The following RP1 variants were observed in gnomAD, a reference collection of about 807,000 sequenced individuals.
RP1 encodes RP1 axonemal microtubule associated.
A neutral mutation model predicts 14.8 loss-of-function variants in RP1; 16 were observed. The observed-to-expected ratio is 1.08, with a 90% CI of 0.73 to 1.65. The LOEUF is 1.65. RP1 is among the 40% of genes most tolerant of loss of function. The probability of loss-of-function intolerance (pLI) is 0.00; values close to 1 mark genes in which losing one functional copy is unlikely to be tolerated. For synonymous variants in RP1, 876 were observed against 883.6 expected (o/e 0.99, Z 0.15); for missense variants, 2,631 against 2,535.0 (o/e 1.04, Z -0.81).
intron 12 of RP1, among the ~76,000 whole-genome samples, chr8:54,689,510 C>G (rs1333562654): frequency 6.6e-6 from 1 of 152,052 alleles, no homozygotes; most frequent in Non-Finnish European, 1.5e-5. Flanking sequence ...AAGTCAATTA[C>G]TAGGTTACAA....
At chr8:54,590,741 T>A (rs545314743) in intron 1 of RP1, among the ~76,000 whole-genome samples, 2 of 152,316 alleles carry the variant, frequency 1.3e-5, no homozygotes, top group African/African-American at 4.8e-5. Flanking sequence ...CGTATTACTC[T>A]CAAATTTACA....
At chr8:54,649,405 G>A (rs567830510) in intron 4 of RP1, among the ~76,000 whole-genome samples, 1 of 152,254 alleles carries the variant, frequency 6.6e-6, no homozygotes, top group Non-Finnish European at 1.5e-5. Context: ...AAGGGCTTAT[G>A]CCTTTCTGGC....
intron 1 of RP1, among the ~76,000 whole-genome samples, chr8:54,578,406 C>T (rs552851088): frequency 3.9e-5 from 6 of 152,060 alleles, no homozygotes; most frequent in African/African-American, 1.2e-4. Flanking sequence ...TGGAGTCTTG[C>T]TATGTTGCCT....
chr8:54,695,960 G>A (rs149867315), intron 12 of RP1, among the ~76,000 whole-genome samples: 79 of 152,092 alleles, frequency 5.2e-4, no homozygotes, highest in Non-Finnish European at 8.4e-4. Flanking sequence ...CATTTGGAGT[G>A]GTCTATTGAA....
At chr8:54,828,647 A>T (rs547785014) in intron 24 of RP1, among the ~76,000 whole-genome samples, 1 of 152,184 alleles carries the variant, frequency 6.6e-6, no homozygotes, top group East Asian at 1.9e-4. Context: ...CTTTATAACA[A>T]CACCAACAGA....
chr8:54,704,467 C>T (rs1808101757), intron 14 of RP1, among the ~76,000 whole-genome samples: 1 of 152,092 alleles, frequency 6.6e-6, no homozygotes, highest in South Asian at 2.1e-4. Context: ...CATCAAAGAT[C>T]ACTGATCACA....
intron 24 of RP1, among the ~76,000 whole-genome samples, chr8:54,815,341 A>G (rs969462322): frequency 3.3e-5 from 5 of 152,210 alleles, no homozygotes; most frequent in African/African-American, 1.2e-4. Flanking sequence ...AAAATAAATA[A>G]ATTAAAAACT....
chr8:54,794,005 C>T (rs1810525853), intron 24 of RP1, among the ~76,000 whole-genome samples: 1 of 151,774 alleles, frequency 6.6e-6, no homozygotes, highest in Non-Finnish European at 1.5e-5. Flanking sequence ...AAATCTGTTG[C>T]ATTTTCATAC....
At chr8:54,606,872 C>T (rs188512260) in intron 1 of RP1, among the ~76,000 whole-genome samples, 3,404 of 152,226 alleles carry the variant, frequency 0.022, 119 homozygotes, top group African/African-American at 0.073. Flanking sequence ...ACGTAGTTCT[C>T]GTGCCATGGT....
At chr8:54,801,182 A>G (rs1490871597) in intron 24 of RP1, among the ~76,000 whole-genome samples, 3 of 152,032 alleles carry the variant, frequency 2.0e-5, no homozygotes, top group Non-Finnish European at 4.4e-5. Flanking sequence ...TTGCTTCCCA[A>G]TTGGCTTGGG....
At chr8:54,794,901 C>A (rs1810545651) in intron 24 of RP1, among the ~76,000 whole-genome samples, 2 of 151,690 alleles carry the variant, frequency 1.3e-5, no homozygotes. Context: ...GTAGAAAAAC[C>A]CAAATAATAT....
intron 1 of RP1, among the ~76,000 whole-genome samples, chr8:54,575,676 G>T (rs7827500): frequency 0.2 from 30,601 of 152,072 alleles, 3,549 homozygotes; most frequent in East Asian, 0.36. Context: ...TTCATGTGCT[G>T]GTTTGTTATA....
chr8:54,802,360 A>G (rs1810733400), intron 24 of RP1, among the ~76,000 whole-genome samples: 2 of 152,240 alleles, frequency 1.3e-5, no homozygotes, highest in Admixed American at 1.3e-4. Context: ...GAATGGATCC[A>G]TAAAAGACTG....
chr8:54,722,408 C>T (rs1397380974), intron 16 of RP1, among the ~76,000 whole-genome samples: 2 of 151,836 alleles, frequency 1.3e-5, no homozygotes, highest in African/African-American at 4.8e-5. Context: ...GTATCTGGGA[C>T]TACAGGCGCC....
chr8:54,652,760 G>T (rs770454597), intron 4 of RP1: 11 of 1,512,868 alleles, frequency 7.3e-6, no homozygotes, highest in Middle Eastern at 1.7e-4. Flanking sequence ...ATTGAAAGTT[G>T]TTCCCTTGGC....
intron 12 of RP1, among the ~76,000 whole-genome samples, chr8:54,689,436 T>C (rs1000120659): frequency 3.9e-5 from 6 of 152,064 alleles, no homozygotes; most frequent in Non-Finnish European, 8.8e-5. Flanking sequence ...GGATTAGCAT[T>C]CCTCAGATGA....
intron 1 of RP1, among the ~76,000 whole-genome samples, chr8:54,600,966 C>T (rs542979659): frequency 6.6e-6 from 1 of 152,212 alleles, no homozygotes; most frequent in Non-Finnish European, 1.5e-5. Context: ...TTGTCTGTGT[C>T]TTTCAGTGTA....
intron 22 of RP1, among the ~76,000 whole-genome samples, chr8:54,766,320 A>C (rs1809760110): frequency 6.6e-6 from 1 of 152,226 alleles, no homozygotes; most frequent in South Asian, 2.1e-4. Context: ...GGGAATAATA[A>C]AAATTATCAT....
chr8:54,657,083 T>C (rs1585584811), intron 6 of RP1, among the ~76,000 whole-genome samples: 1 of 152,144 alleles, frequency 6.6e-6, no homozygotes, highest in African/African-American at 2.4e-5. Context: ...AGTTAAAATA[T>C]TTTTGAAAAG....
Sources: gnomAD v4.1 joint callset for allele counts (sites outside exome capture counted in the v4.1 genomes callset) on GRCh38, gnomAD v4.1.1 for gene constraint, MANE v1.5 for transcripts, NCBI Gene and HGNC (gene_info 2026-07-23, HGNC 2026-07-21) for gene names.